The following SLC39A10 variants were observed in gnomAD, a reference collection of about 807,000 sequenced individuals.
SLC39A10 encodes the protein solute carrier family 39 member 10, also known as zinc transporter ZIP10.
In SLC39A10, 13 loss-of-function variants were observed where a neutral mutation model predicts 65.1. The observed-to-expected ratio is 0.20, with a 90% CI of 0.13 to 0.32. SLC39A10 has a LOEUF of 0.32. Among genes scored for constraint, SLC39A10 ranks in the 10% least tolerant of loss-of-function variants. SLC39A10 has a pLI of 1.00. For missense variants in SLC39A10, 831 were observed against 1,018.4 expected (o/e 0.82, Z 2.50); for synonymous variants, 321 against 342.2 (o/e 0.94, Z 0.68).
chr2:195,710,224 A>T (rs971043849), intron 5 of SLC39A10, among the ~76,000 whole-genome samples: 1 of 152,194 alleles, frequency 6.6e-6, no homozygotes, highest in Non-Finnish European at 1.5e-5. Flanking sequence ...ACTCCTCCCT[A>T]TTCACTTCAG....
rs947218018 is a variant in SLC39A10, at chr2:195,736,863, A to G, written c.*1822A>G. ...TGCTGATATTTTATTTAGTACTGCC[A>G]ACTTCAAGTGATTTAGATATCTATC... On this transcript the variant is annotated 3_prime_UTR_variant, in exon 10 of 10. Coordinates refer to ENST00000359634, the MANE Select transcript of SLC39A10 (RefSeq NM_020342.3). 1 of 145,378 alleles carries G rather than the reference A, an allele frequency of 6.9e-6. No homozygotes were observed. Among genetic ancestry groups the G allele is most frequent in the Admixed American group, 6.9e-5 (1 of 14,406 alleles). The allele number at this position is 145,378 out of a possible 1,614,324, so 9.0% of individuals were successfully genotyped here. A position where few individuals can be genotyped will look rare whatever the true frequency, so the allele number is the denominator to read the frequency against.
intron 5 of SLC39A10, among the ~76,000 whole-genome samples, chr2:195,713,181 G>A (rs948740732): frequency 6.6e-6 from 1 of 152,134 alleles, no homozygotes; most frequent in Non-Finnish European, 1.5e-5. Flanking sequence ...TCAGTACTGT[G>A]TGCTCTGTTC....
chr2:195,629,763 G>A (rs539064330), intron 2 of SLC39A10, among the ~76,000 whole-genome samples: 1 of 152,050 alleles, frequency 6.6e-6, no homozygotes, highest in Non-Finnish European at 1.5e-5. Flanking sequence ...AGACAATCTC[G>A]CTCTTGTCAT....
chr2:195,644,801 C>G (rs1041339845), intron 2 of SLC39A10, among the ~76,000 whole-genome samples: 4 of 149,232 alleles, frequency 2.7e-5, no homozygotes, highest in African/African-American at 1.0e-4. Flanking sequence ...GACATCCTGT[C>G]TCAAAAAAAA....
At chr2:195,729,001 C>CTTGCTCTG (rs1163970679) in intron 9 of SLC39A10, among the ~76,000 whole-genome samples, 1 of 144,038 alleles carries the variant, frequency 6.9e-6, no homozygotes, top group Non-Finnish European at 1.5e-5. Flanking sequence ...GAGATAGGGT[C>CTTGCTCTG]TTGCTCTGTT....
In SLC39A10 at chr2:195,680,877, C is replaced by T. The variant is rs770084027; in HGVS notation, c.835C>T (p.His279Tyr). Residue 279 changes from histidine (H) to tyrosine (Y), a missense_variant, in exon 2 of 10, where the codon CAT (histidine) becomes TAT (tyrosine). By Grantham distance (83) the His-to-Tyr change is moderately conservative. Transcript: ENST00000359634. ...PDRVHNPGHS[H>Y]VHLPERNGHD... The stretch of plus-strand genomic sequence containing the variant: ...TCGTGTACATAACCCAGGTCATTCT[C>T]ATGTACATCTTCCAGAACGTAATGG... 2 of 1,614,122 alleles carry T rather than the reference C, an allele frequency of 1.2e-6. No individual in the cohort carries two copies. Among genetic ancestry groups the T allele is most frequent in the South Asian group, 1.1e-5 (1 of 91,080 alleles).
At chr2:195,671,768 T>C (rs1574250135) in intron 1 of SLC39A10, 1 of 152,222 alleles carries the variant, frequency 6.6e-6, no homozygotes, top group East Asian at 1.9e-4. Flanking sequence ...ATCATGTGAC[T>C]AACCCCTTGC....
At chr2:195,617,414 T>C (rs1407931286) in intron 2 of SLC39A10, among the ~76,000 whole-genome samples, 2 of 151,850 alleles carry the variant, frequency 1.3e-5, no homozygotes, top group East Asian at 3.9e-4. Context: ...CAGAAAAAAT[T>C]AGCCGGGTGT....
chr2:195,674,505 G>C (rs1325321807), intron 1 of SLC39A10: 2 of 765,492 alleles, frequency 2.6e-6, no homozygotes, highest in African/African-American at 3.8e-5. Flanking sequence ...TTGAACTCCT[G>C]ACCTCAGGTG....
At chr2:195,731,239 C>T (rs558470201) in intron 9 of SLC39A10, among the ~76,000 whole-genome samples, 1 of 152,162 alleles carries the variant, frequency 6.6e-6, no homozygotes, top group African/African-American at 2.4e-5. Context: ...TTCAAATCCT[C>T]CCACTCTCCC....
intron 2 of SLC39A10, among the ~76,000 whole-genome samples, chr2:195,626,372 C>T (rs1688475078): frequency 6.6e-6 from 1 of 152,118 alleles, no homozygotes; most frequent in Admixed American, 6.6e-5. Context: ...TAAGGTCTTG[C>T]TCAGATTCAG....
At chr2:195,659,921 G>A (rs1190641741) in intron 1 of SLC39A10, among the ~76,000 whole-genome samples, 3 of 152,032 alleles carry the variant, frequency 2.0e-5, no homozygotes, top group Admixed American at 1.3e-4. Flanking sequence ...CTTTGGGGGG[G>A]ATACATTATC....
In SLC39A10 at chr2:195,735,920, G is replaced by GTTGAT. The variant is rs1016649726; in HGVS notation, c.*882_*886dup. On this transcript the variant is annotated 3_prime_UTR_variant, in exon 10 of 10. Transcript: ENST00000359634. ...AAATGAACCAGACGTGGTTTAAATA[G>GTTGAT]TTGATTTTCCTATTTTAACAGTACC... 6.7e-6 allele frequency: 1 copy of GTTGAT among 149,722 alleles called. No individual in the cohort carries two copies. The highest frequency in any genetic ancestry group is 2.5e-5 in the African/African-American group (1 of 40,486). The allele number at this position is 149,722 out of a possible 1,614,324, so 9.3% of individuals were successfully genotyped here.
intron 3 of SLC39A10, among the ~76,000 whole-genome samples, chr2:195,688,716 T>A (rs1352380141): frequency 6.6e-6 from 1 of 152,232 alleles, no homozygotes; most frequent in African/African-American, 2.4e-5. Flanking sequence ...GAAATCTAGC[T>A]TTTTACTCCT....
intron 2 of SLC39A10, among the ~76,000 whole-genome samples, chr2:195,616,727 C>T (rs1688218443): frequency 6.6e-6 from 1 of 151,892 alleles, no homozygotes; most frequent in Admixed American, 6.6e-5. Flanking sequence ...CCTCAGCCTT[C>T]CAAGTAGCTG....
At chr2:195,621,070 T>C (rs1169298030) in intron 2 of SLC39A10, among the ~76,000 whole-genome samples, 1 of 152,150 alleles carries the variant, frequency 6.6e-6, no homozygotes, top group African/African-American at 2.4e-5. Context: ...TTTTCTATAG[T>C]TTTAATTTAT....
chr2:195,632,200 C>T (rs1688598200), intron 2 of SLC39A10, among the ~76,000 whole-genome samples: 1 of 151,634 alleles, frequency 6.6e-6, no homozygotes, highest in African/African-American at 2.4e-5. Flanking sequence ...TCATCATGCC[C>T]AGCCTGTTTT....
chr2:195,633,285 A>C (rs754590113), intron 2 of SLC39A10, among the ~76,000 whole-genome samples: 1 of 152,230 alleles, frequency 6.6e-6, no homozygotes, highest in Non-Finnish European at 1.5e-5. Flanking sequence ...CATTGCGCTC[A>C]ACCCCTCGTG....
chr2:195,676,130 T>C lies in SLC39A10; in HGVS notation c.-11-3902T>C, dbSNP rs543483239. On this transcript the variant is annotated intron_variant, in intron 1 of 9. Coordinates refer to ENST00000359634, the MANE Select transcript of SLC39A10 (RefSeq NM_020342.3). Reference sequence around the variant, plus strand: ...ATACTGATGTTTTATATACATTGTTTATATATACACATTGCAAATATCTTC... The same window carrying C: ...ATACTGATGTTTTATATACATTGTTCATATATACACATTGCAAATATCTTC... 4.6e-5 allele frequency among the ~76,000 whole-genome samples: 7 copies of C among 152,246 alleles called. No individual in the cohort carries two copies. In the East Asian group the frequency reaches 1.4e-3, roughly 29 times the overall value.
Sources: allele counts gnomAD v4.1 joint callset (sites outside exome capture counted in the v4.1 genomes callset), GRCh38; gene constraint gnomAD v4.1.1; transcripts MANE v1.5; gene names NCBI Gene and HGNC (gene_info 2026-07-23, HGNC 2026-07-21).